The following TLN2 variants were observed in gnomAD, a reference collection of about 807,000 sequenced individuals.
TLN2 encodes talin 2.
TLN2 carries 118 observed loss-of-function variants against 294.7 expected under a neutral mutation model. That is an observed-to-expected ratio of 0.40 (90% CI 0.34 to 0.47). The LOEUF is 0.47. TLN2 is among the 20% of genes least tolerant of loss of function. The probability of loss-of-function intolerance (pLI) is 0.84; values close to 1 mark genes in which losing one functional copy is unlikely to be tolerated. For missense variants in TLN2, 3,083 were observed against 3,282.2 expected, an observed-to-expected ratio of 0.94 and a Z score of 1.48; for synonymous variants, 1,431 against 1,304.5, an observed-to-expected ratio of 1.10 and a Z score of -2.09.
At chr15:62,478,322 C>A (rs781261810) in intron 1 of TLN2, among the ~76,000 whole-genome samples, 6 of 152,118 alleles carry the variant, frequency 3.9e-5, no homozygotes, top group Admixed American at 2.0e-4. Flanking sequence ...GAGATGGGGT[C>A]GCTTATTATT....
intron 45 of TLN2, among the ~76,000 whole-genome samples, chr15:62,785,046 CTTGCATACATA>C (rs1453690769): frequency 2.0e-5 from 3 of 152,142 alleles, no homozygotes; most frequent in Non-Finnish European, 2.9e-5. Flanking sequence ...TATGTATGTA[CTTGCATACATA>C]AATATCTAGC....
At chr15:62,630,159 A>G (rs1289261548) in intron 3 of TLN2, among the ~76,000 whole-genome samples, 1 of 152,140 alleles carries the variant, frequency 6.6e-6, no homozygotes. Flanking sequence ...TATGGCACCA[A>G]CTAATCATCA....
chr15:62,727,313 A>G, intron 28 of TLN2, 124 bp downstream of exon 28: 1 of 844,350 alleles, frequency 1.2e-6, no homozygotes, highest in South Asian at 1.9e-5. Flanking sequence ...TTCACCGTAT[A>G]TTTTTCAAGC....
chr15:62,548,703 T>G (rs1484809315), intron 1 of TLN2, among the ~76,000 whole-genome samples: 1 of 152,204 alleles, frequency 6.6e-6, no homozygotes, highest in Non-Finnish European at 1.5e-5. Context: ...GTTGAAATTG[T>G]GCTGATTAGG....
intron 1 of TLN2, among the ~76,000 whole-genome samples, chr15:62,544,435 G>T (rs1360377977): frequency 6.6e-6 from 1 of 152,208 alleles, no homozygotes; most frequent in African/African-American, 2.4e-5. Flanking sequence ...ACTGGAAAAG[G>T]AGGTGTGGGT....
At chr15:62,469,970 G>A (rs1047766432) in intron 1 of TLN2, among the ~76,000 whole-genome samples, 4 of 152,062 alleles carry the variant, frequency 2.6e-5, no homozygotes, top group African/African-American at 9.7e-5. Flanking sequence ...GAGAGAGCGA[G>A]AGAGAGAGCG....
At chr15:62,727,337 T>A in intron 28 of TLN2, 148 bp downstream of exon 28, 1 of 693,432 alleles carries the variant, frequency 1.4e-6, no homozygotes, top group Non-Finnish European at 2.4e-6. Flanking sequence ...ATGTGCTTGT[T>A]ACCGGGCTTG....
rs143892026 is a variant in TLN2, at chr15:62,643,828, C to T, written c.-36-3447C>T. ...CCCAGACTTAGCCACTCACCTTCTC[C>T]GCAATAGACCCGGGCAGCCATGTGC... On this transcript the variant is annotated intron_variant, in intron 3 of 58. Coordinates refer to ENST00000636159, the MANE Select transcript of TLN2 (RefSeq NM_015059.3). 2.8e-3 allele frequency among the ~76,000 whole-genome samples: 421 copies of T among 152,156 alleles called. 1 individual carries two copies. Among genetic ancestry groups the T allele is most frequent in the South Asian group, 6.9e-3 (33 of 4,808 alleles).
At chr15:62,769,172 A>G (rs1359524542) in intron 41 of TLN2, among the ~76,000 whole-genome samples, 1 of 152,264 alleles carries the variant, frequency 6.6e-6, no homozygotes, top group Non-Finnish European at 1.5e-5. Context: ...CCTAGAAAAC[A>G]TATAAGATTC....
intron 2 of TLN2, among the ~76,000 whole-genome samples, chr15:62,610,634 G>T (rs28588975): frequency 0.11 from 16,098 of 152,214 alleles, 1,007 homozygotes; most frequent in East Asian, 0.15. Context: ...CTGTGAAACG[G>T]AGACGTTTAG....
At position 62,582,087 on chromosome 15, in the gene TLN2, A is replaced by G. The variant is rs1317720603; in HGVS notation, c.-237-7600A>G. On this transcript the variant is annotated intron_variant, in intron 1 of 58. Coordinates refer to ENST00000636159, the MANE Select transcript of TLN2 (RefSeq NM_015059.3). ...AAGAAAAACATGTGAATGGTGGACT[A>G]ATCACTGGGACTGAGAGAGGAAAAC... Among the ~76,000 whole-genome samples the G allele has an allele frequency of 2.6e-5, 4 of 151,976 alleles. No individual in the cohort carries two copies. In the South Asian group the frequency reaches 6.2e-4, roughly 24 times the overall value.
Position 62,440,696 on chromosome 15 carries a change from C to T in TLN2, c.-238+50011C>T, listed in dbSNP as rs114150386. Among the ~76,000 whole-genome samples, 816 of 152,260 alleles carry T rather than the reference C, an allele frequency of 5.4e-3. 7 individuals carry two copies. The highest frequency in any genetic ancestry group is 0.017 in the African/African-American group (717 of 41,564). ...GATCCCCGCAGCAGGAATTATTGAC[C>T]GTCCTACTTTTACTTAGGATTGATA... On this transcript the variant is annotated intron_variant, in intron 1 of 58. Coordinates refer to ENST00000636159, the MANE Select transcript of TLN2 (RefSeq NM_015059.3).
chr15:62,679,162 A>T (rs981003410), intron 11 of TLN2, among the ~76,000 whole-genome samples: 1 of 152,174 alleles, frequency 6.6e-6, no homozygotes, highest in Admixed American at 6.5e-5. Context: ...GAACCCCCAT[A>T]ACCTGCTGGT....
intron 3 of TLN2, among the ~76,000 whole-genome samples, chr15:62,640,827 A>C (rs1276404332): frequency 2.0e-5 from 3 of 152,002 alleles, no homozygotes; most frequent in African/African-American, 7.2e-5. Flanking sequence ...TTTGAGACAG[A>C]GTCTCACTCT....
intron 3 of TLN2, among the ~76,000 whole-genome samples, chr15:62,629,766 G>T (rs898839395): frequency 3.3e-5 from 5 of 152,174 alleles, no homozygotes; most frequent in Admixed American, 6.5e-5. Context: ...GTATGTTTTT[G>T]AGTACATTTT....
intron 1 of TLN2, among the ~76,000 whole-genome samples, chr15:62,582,195 T>TAAACACACAC (rs2045116111): frequency 1.5e-5 from 1 of 66,474 alleles, no homozygotes; most frequent in African/African-American, 5.6e-5. Flanking sequence ...TGTGTATGCA[T>TAAACACACAC]ACACACACAC....
At chr15:62,472,787 G>A (rs919602708) in intron 1 of TLN2, among the ~76,000 whole-genome samples, 6 of 152,150 alleles carry the variant, frequency 3.9e-5, no homozygotes, top group African/African-American at 9.7e-5. Context: ...TTCTCCGACC[G>A]ACGGATGACT....
intron 9 of TLN2, among the ~76,000 whole-genome samples, chr15:62,667,273 G>T (rs72755855): frequency 0.037 from 5,642 of 152,280 alleles, 159 homozygotes; most frequent in South Asian, 0.057. Flanking sequence ...GCGAACACTG[G>T]CATTTCTGTC....
chr15:62,725,417 C>G lies in TLN2; in HGVS notation c.3255+313C>G, dbSNP rs554559960. Among the ~76,000 whole-genome samples, 4 of 152,172 alleles carry G rather than the reference C, an allele frequency of 2.6e-5. No individual in the cohort carries two copies. The South Asian group carries it at 8.3e-4, about 32-fold the overall frequency. On this transcript the variant is annotated intron_variant, in intron 27 of 58. Transcript: ENST00000636159. ...GCACATAGAAAAGATTATCAGCAGT[C>G]ATTTTAAAAAAACATTTACTTAATG...
Sources: gnomAD v4.1 joint callset for allele counts (sites outside exome capture counted in the v4.1 genomes callset) on GRCh38, gnomAD v4.1.1 for gene constraint, MANE v1.5 for transcripts, NCBI Gene and HGNC (gene_info 2026-07-23, HGNC 2026-07-21) for gene names.